The following UGT3A1 variants were observed in gnomAD, a reference collection of about 807,000 sequenced individuals.
UGT3A1 encodes UDP glycosyltransferase family 3 member A1, also known as UDP-glycosyltransferase 3A1.
In UGT3A1, 40 loss-of-function variants were observed where a neutral mutation model predicts 37.6. That is an observed-to-expected ratio of 1.06 (90% CI 0.83 to 1.38). UGT3A1 has a LOEUF of 1.38. Among genes scored for constraint, UGT3A1 ranks in the 40% most tolerant of loss-of-function variants. The probability of loss-of-function intolerance (pLI) is 0.00; values close to 1 mark genes in which losing one functional copy is unlikely to be tolerated. For missense variants in UGT3A1, 642 were observed against 634.2 expected, an observed-to-expected ratio of 1.01 and a Z score of -0.13; for synonymous variants, 256 against 232.3, an observed-to-expected ratio of 1.10 and a Z score of -0.93.
At chr5:35,954,508 C>T (rs200108565) in intron 6 of UGT3A1, 30 bp from the exon 7 acceptor site, 2 of 1,606,140 alleles carry the variant, frequency 1.2e-6, no homozygotes, top group African/African-American at 1.3e-5. Flanking sequence ...GGGTGTGTTA[C>T]TGACGTAGCC....
intron 1 of UGT3A1, among the ~76,000 whole-genome samples, chr5:35,999,193 C>T (rs1192087224): frequency 6.7e-6 from 1 of 148,814 alleles, no homozygotes; most frequent in Non-Finnish European, 1.5e-5. Context: ...GCCGAGATCA[C>T]ACCACTGCAC....
intron 5 of UGT3A1, among the ~76,000 whole-genome samples, chr5:35,956,876 G>C (rs1461045118): frequency 1.3e-5 from 2 of 152,168 alleles, no homozygotes; most frequent in African/African-American, 4.8e-5. Context: ...GTGTTGGGGT[G>C]ACTCTGTTCA....
At chr5:35,984,132 T>C (rs1212791678) in intron 2 of UGT3A1, among the ~76,000 whole-genome samples, 1 of 152,182 alleles carries the variant, frequency 6.6e-6, no homozygotes, top group Non-Finnish European at 1.5e-5. Context: ...ACAGAAGACA[T>C]GATTTTATAC....
Position 35,954,106 on chromosome 5 carries a change from A to T in UGT3A1, c.*96T>A. The T allele has an allele frequency of 7.6e-7, 1 of 1,316,434 alleles. No individual in the cohort carries two copies. The highest frequency in any genetic ancestry group is 2.2e-5 in the Admixed American group (1 of 46,328). The allele number at this position is 1,316,434 out of a possible 1,614,324, so 81.5% of individuals were successfully genotyped here. A position where few individuals can be genotyped will look rare whatever the true frequency, so the allele number is the denominator to read the frequency against. On this transcript the variant is annotated 3_prime_UTR_variant, in exon 7 of 7. Coordinates refer to ENST00000274278, the MANE Select transcript of UGT3A1 (RefSeq NM_152404.4). ...AAGTTGCAGGATCAGTGGCAGGTGG[A>T]GCTGAAGAGAGAACAGAGGGGTGGC...
At chr5:35,996,509 T>A (rs1741099631) in intron 2 of UGT3A1, among the ~76,000 whole-genome samples, 1 of 152,218 alleles carries the variant, frequency 6.6e-6, no homozygotes, top group Non-Finnish European at 1.5e-5. Flanking sequence ...TTCAATGGAA[T>A]CACCCCCTTG....
At chr5:35,958,527 A>C (rs976557619) in intron 4 of UGT3A1, among the ~76,000 whole-genome samples, 7 of 150,136 alleles carry the variant, frequency 4.7e-5, no homozygotes, top group Admixed American at 3.3e-4. Flanking sequence ...ATTATATAAA[A>C]TCAAAAGAAG....
At chr5:35,957,642 C>A (rs917893660) in intron 4 of UGT3A1, among the ~76,000 whole-genome samples, 1 of 152,056 alleles carries the variant, frequency 6.6e-6, no homozygotes, top group South Asian at 2.1e-4. Flanking sequence ...CCTGAGGACA[C>A]GTTTTTGCAT....
At chr5:35,988,965 T>C (rs1263322731) in intron 1 of UGT3A1, among the ~76,000 whole-genome samples, 1 of 152,204 alleles carries the variant, frequency 6.6e-6, no homozygotes, top group African/African-American at 2.4e-5. Context: ...AGTGTGTACA[T>C]TAGTATGAAG....
chr5:35,977,514 G>T (rs183269629), intron 2 of UGT3A1, among the ~76,000 whole-genome samples: 1 of 152,234 alleles, frequency 6.6e-6, no homozygotes, highest in East Asian at 1.9e-4. Flanking sequence ...ACAAGAGCTG[G>T]TTATTTAAAA....
chr5:35,955,787 TG>T lies in UGT3A1; in HGVS notation c.1152del (p.Met385TrpfsTer17). ...SVMEAIRHGV[P>X]MVGLPVNGDQ... ...TCTCCATTGACTGGTAATCCCACCA[TG>T]GGCACACCATGACGGATGGCCTCCA... On this transcript the variant is annotated frameshift_variant, in exon 6 of 7. Coordinates refer to ENST00000274278, the MANE Select transcript of UGT3A1 (RefSeq NM_152404.4). LOFTEE classifies it high-confidence loss of function. 1 of 1,614,212 alleles carries T rather than the reference TG, an allele frequency of 6.2e-7. No homozygotes were observed. The highest frequency in any genetic ancestry group is 8.5e-7 in the Non-Finnish European group (1 of 1,180,044).
intron 4 of UGT3A1, among the ~76,000 whole-genome samples, chr5:35,963,377 G>T (rs1440034800): frequency 6.6e-6 from 1 of 152,088 alleles, no homozygotes; most frequent in Admixed American, 6.5e-5. Flanking sequence ...AATTGAGTTT[G>T]GGACAAAAAC....
chr5:35,970,696 A>C (rs1740001668), intron 2 of UGT3A1, among the ~76,000 whole-genome samples: 1 of 152,192 alleles, frequency 6.6e-6, no homozygotes, highest in South Asian at 2.1e-4. Context: ...GATGCTGTGG[A>C]TCTGCTTCAG....
intron 4 of UGT3A1, among the ~76,000 whole-genome samples, chr5:35,958,432 G>T (rs1277750805): frequency 6.6e-6 from 1 of 152,150 alleles, no homozygotes; most frequent in Non-Finnish European, 1.5e-5. Flanking sequence ...AGGATAACTT[G>T]ATTCCATCCA....
chr5:36,000,723 A>C (rs781453876), intron 1 of UGT3A1, among the ~76,000 whole-genome samples: 8 of 152,248 alleles, frequency 5.3e-5, no homozygotes, highest in East Asian at 1.9e-4. Context: ...TACAATAACC[A>C]TTACAATTAT....
At chr5:35,968,708 T>C (rs1405031779) in intron 2 of UGT3A1, among the ~76,000 whole-genome samples, 1 of 151,460 alleles carries the variant, frequency 6.6e-6, no homozygotes, top group East Asian at 1.9e-4. Flanking sequence ...ATTCTTGGAG[T>C]TTGACTGCTG....
In UGT3A1 at chr5:35,998,967, T is replaced by G. The variant is rs143757680; in HGVS notation, c.-159-1638A>C. 6.2e-3 allele frequency among the ~76,000 whole-genome samples: 946 copies of G among 152,236 alleles called. 6 individuals carry two copies. Among genetic ancestry groups the G allele is most frequent in the Non-Finnish European group, 0.01 (702 of 68,000 alleles). On this transcript the variant is annotated intron_variant, in intron 1 of 5. Coordinates refer to the UGT3A1 transcript ENST00000625798. Reference sequence around the variant, plus strand: ...AAAATGTACAATAGGCCGAGCGCGGTGGCTCACGCCTGTAATCCCAGCACT... The same window carrying G: ...AAAATGTACAATAGGCCGAGCGCGGGGGCTCACGCCTGTAATCCCAGCACT...
chr5:35,954,138 T>G lies in UGT3A1; in HGVS notation c.*64A>C. On this transcript the variant is annotated 3_prime_UTR_variant, in exon 7 of 7. Coordinates refer to ENST00000274278, the MANE Select transcript of UGT3A1 (RefSeq NM_152404.4). ...GAGAGAACAGAGGGGTGGCGTGTGCTGGGGTGGGGAGAACCTTCAAAGGAC... is the reference window on the plus strand; with the variant it reads ...GAGAGAACAGAGGGGTGGCGTGTGCGGGGGTGGGGAGAACCTTCAAAGGAC... The G allele has an allele frequency of 3.2e-6, 5 of 1,550,880 alleles. No homozygotes were observed. The South Asian group carries it at 3.6e-5, about 11-fold the overall frequency.
chr5:35,959,439 G>C (rs1355968646), intron 4 of UGT3A1, among the ~76,000 whole-genome samples: 1 of 151,968 alleles, frequency 6.6e-6, no homozygotes, highest in African/African-American at 2.4e-5. Flanking sequence ...TGGAAAACAT[G>C]GGAAAAAAAC....
At chr5:35,983,666 C>T (rs1393457139) in intron 2 of UGT3A1, among the ~76,000 whole-genome samples, 1 of 151,914 alleles carries the variant, frequency 6.6e-6, no homozygotes, top group Non-Finnish European at 1.5e-5. Flanking sequence ...ACTAGCAAAA[C>T]AAATTCAACA....
Sources: gnomAD v4.1 joint callset for allele counts (sites outside exome capture counted in the v4.1 genomes callset) on GRCh38, gnomAD v4.1.1 for gene constraint, MANE v1.5 for transcripts, NCBI Gene and HGNC (gene_info 2026-07-23, HGNC 2026-07-21) for gene names.